Variants in SH3GL2 observed in about 807,000 individuals in gnomAD.
SH3GL2 encodes SH3 domain containing GRB2 like 2, endophilin A1, also known as endophilin-A1.
In SH3GL2, 24 loss-of-function variants were observed where a neutral mutation model predicts 46.0. The observed-to-expected ratio is 0.52, with a 90% CI of 0.38 to 0.73. The LOEUF is 0.73. Ranked by LOEUF, SH3GL2 falls within the 30% of genes least tolerant of loss-of-function variation. SH3GL2 has a pLI of 0.00. For missense variants in SH3GL2, 413 were observed against 424.2 expected, an observed-to-expected ratio of 0.97 and a Z score of 0.23; for synonymous variants, 196 against 147.1, an observed-to-expected ratio of 1.33 and a Z score of -2.40.
At chr9:17,662,452 G>A (rs1023467415) in intron 1 of SH3GL2, among the ~76,000 whole-genome samples, 1 of 152,070 alleles carries the variant, frequency 6.6e-6, no homozygotes, top group Admixed American at 6.6e-5. Flanking sequence ...GCTTTCCGGG[G>A]TTTGTAGAAA....
At chr9:17,641,869 T>C (rs1212462701) in intron 1 of SH3GL2, among the ~76,000 whole-genome samples, 1 of 152,198 alleles carries the variant, frequency 6.6e-6, no homozygotes, top group African/African-American at 2.4e-5. Flanking sequence ...GTTCCAAGTC[T>C]TTGCTATTGT....
At chr9:17,642,188 C>A (rs563662365) in intron 1 of SH3GL2, among the ~76,000 whole-genome samples, 40 of 152,218 alleles carry the variant, frequency 2.6e-4, no homozygotes, top group African/African-American at 8.9e-4. Flanking sequence ...TATCCTTTGC[C>A]CATGTTTCTA....
intron 1 of SH3GL2, among the ~76,000 whole-genome samples, chr9:17,587,689 A>T (rs6475153): frequency 2.0e-5 from 3 of 151,910 alleles, no homozygotes; most frequent in Non-Finnish European, 4.4e-5. Flanking sequence ...ACCAGCCTGG[A>T]CAACATGGTG....
chr9:17,756,482 C>T (rs1052072006), intron 2 of SH3GL2, among the ~76,000 whole-genome samples: 4 of 124,714 alleles, frequency 3.2e-5, no homozygotes, highest in Non-Finnish European at 6.6e-5. Flanking sequence ...CCCCTCCCCC[C>T]ACCCCACGGC....
chr9:17,709,905 C>A (rs1466750785), intron 1 of SH3GL2, among the ~76,000 whole-genome samples: 1 of 151,688 alleles, frequency 6.6e-6, no homozygotes, highest in African/African-American at 2.4e-5. Flanking sequence ...TAGTTGGAAG[C>A]CTAGTGAGGG....
rs545869211 is a variant in SH3GL2, at chr9:17,791,293, A to G, written c.687A>G (p.Ala229=). The part of the protein sequence containing the change: ...VQAQLEYHKQ[A]VQILQQVTVR... ...CTCAGCTGGAGTACCACAAGCAGGC[A>G]GTCCAGATCCTGCAGCAAGTCACGG... Residue 229 remains alanine, a synonymous_variant, in exon 7 of 9, where the codon GCA becomes GCG. Coordinates refer to ENST00000380607, the MANE Select transcript of SH3GL2 (RefSeq NM_003026.5). 8.7e-6 allele frequency: 14 copies of G among 1,613,708 alleles called. No individual in the cohort carries two copies. The highest frequency in any genetic ancestry group is 1.2e-5 in the Non-Finnish European group (14 of 1,179,628).
intron 2 of SH3GL2, among the ~76,000 whole-genome samples, chr9:17,757,502 A>G (rs1406486788): frequency 6.6e-6 from 1 of 152,342 alleles, no homozygotes; most frequent in East Asian, 1.9e-4. Context: ...GAAGGATATG[A>G]ACAGTTTCAC....
Position 17,650,060 on chromosome 9 carries a change from C to T in SH3GL2, c.45+70773C>T, listed in dbSNP as rs536866909. ...TAATATTCCAACAAGGATATCTTCC[C>T]TGGAGAGAGTAGAGTTGAGATCATA... On this transcript the variant is annotated intron_variant, in intron 1 of 8. Coordinates refer to ENST00000380607, the MANE Select transcript of SH3GL2 (RefSeq NM_003026.5). Among the ~76,000 whole-genome samples, 196 of 152,256 alleles carry T rather than the reference C, an allele frequency of 1.3e-3. 1 individual carries two copies. Among genetic ancestry groups the T allele is most frequent in the African/African-American group, 4.6e-3 (190 of 41,544 alleles).
In SH3GL2 at chr9:17,776,887, A is replaced by C. The variant is rs372355956; in HGVS notation, c.188-9494A>C. On this transcript the variant is annotated intron_variant, in intron 3 of 8. Transcript: ENST00000380607. ...CAAGCTACCAGTGTGACATCACTGA[A>C]CTGTGACTTGGAAAAAGAGGCTCAC... Among the ~76,000 whole-genome samples the C allele has an allele frequency of 2.7e-4, 41 of 152,286 alleles. No individual in the cohort carries two copies. The South Asian group carries it at 8.1e-3, about 30-fold the overall frequency.
chr9:17,595,578 G>A (rs969655241), intron 1 of SH3GL2, among the ~76,000 whole-genome samples: 5 of 152,172 alleles, frequency 3.3e-5, no homozygotes, highest in Non-Finnish European at 5.9e-5. Context: ...GTATAAGTAT[G>A]TACAACTTAG....
At chr9:17,712,647 AT>A (rs1821657332) in intron 1 of SH3GL2, among the ~76,000 whole-genome samples, 1 of 151,838 alleles carries the variant, frequency 6.6e-6, no homozygotes, top group African/African-American at 2.4e-5. Flanking sequence ...TAGATTATTT[AT>A]TCTGTAGCAG....
chr9:17,774,298 C>T (rs1177022208), intron 3 of SH3GL2, among the ~76,000 whole-genome samples: 4 of 152,060 alleles, frequency 2.6e-5, no homozygotes, highest in Non-Finnish European at 5.9e-5. Flanking sequence ...TACCAAATTG[C>T]CCTGGCCAGA....
intron 1 of SH3GL2, among the ~76,000 whole-genome samples, chr9:17,602,419 CT>C (rs1818688093): frequency 6.6e-6 from 1 of 152,134 alleles, no homozygotes; most frequent in Admixed American, 6.5e-5. Context: ...TTAAAAAAGA[CT>C]TTTGCTTTCC....
chr9:17,594,048 C>G (rs1818529430), intron 1 of SH3GL2, among the ~76,000 whole-genome samples: 1 of 152,204 alleles, frequency 6.6e-6, no homozygotes, highest in Admixed American at 6.5e-5. Flanking sequence ...GGTTCATTAT[C>G]TACTGTGGCT....
intron 1 of SH3GL2, among the ~76,000 whole-genome samples, chr9:17,673,334 T>TA (rs1554637603): frequency 1.6e-4 from 24 of 150,708 alleles, no homozygotes; most frequent in Non-Finnish European, 3.0e-4. Context: ...TTTTTTTTTT[T>TA]ATAGAGGCGG....
At chr9:17,584,575 G>A (rs1367863591) in intron 1 of SH3GL2, among the ~76,000 whole-genome samples, 1 of 152,180 alleles carries the variant, frequency 6.6e-6, no homozygotes, top group African/African-American at 2.4e-5. Flanking sequence ...CACTCCAACA[G>A]TTCTGTTACT....
At chr9:17,723,163 G>C (rs762423622) in intron 1 of SH3GL2, among the ~76,000 whole-genome samples, 1 of 152,000 alleles carries the variant, frequency 6.6e-6, no homozygotes, top group Non-Finnish European at 1.5e-5. Flanking sequence ...CTTCATATTT[G>C]TACAAAGCTT....
At chr9:17,644,915 C>G (rs1365252962) in intron 1 of SH3GL2, among the ~76,000 whole-genome samples, 1 of 138,926 alleles carries the variant, frequency 7.2e-6, no homozygotes, top group South Asian at 2.3e-4. Context: ...CTAATATTGA[C>G]AGTGGGGTGT....
intron 1 of SH3GL2, among the ~76,000 whole-genome samples, chr9:17,600,697 A>G (rs1326530962): frequency 6.6e-6 from 1 of 152,206 alleles, no homozygotes; most frequent in Non-Finnish European, 1.5e-5. Context: ...TTCAATGTAT[A>G]TGTTGTACTA....
Sources: allele counts gnomAD v4.1 joint callset (sites outside exome capture counted in the v4.1 genomes callset), GRCh38; gene constraint gnomAD v4.1.1; transcripts MANE v1.5; gene names NCBI Gene and HGNC (gene_info 2026-07-23, HGNC 2026-07-21).